Variants in SLC9A1 observed in about 807,000 individuals in gnomAD.
The protein encoded by SLC9A1 is solute carrier family 9 member A1, also known as sodium/hydrogen exchanger 1.
SLC9A1 carries 22 observed loss-of-function variants against 67.9 expected under a neutral mutation model. The ratio of observed to expected loss-of-function variants is 0.32; its 90% CI spans 0.23 to 0.46. The LOEUF (loss-of-function observed/expected upper bound fraction) is 0.46, where lower values mean the gene tolerates loss of function less well. Among genes scored for constraint, SLC9A1 ranks in the 20% least tolerant of loss-of-function variants. The pLI, the probability that SLC9A1 is intolerant of heterozygous loss-of-function variation, is 1.00. For synonymous variants in SLC9A1, 421 were observed against 471.8 expected, an observed-to-expected ratio of 0.89 and a Z score of 1.40; for missense variants, 686 against 1,094.8, an observed-to-expected ratio of 0.63 and a Z score of 5.27.
rs143643968 is a variant in SLC9A1 at position 27,143,223 on chromosome 1, C to G, written c.352+10760G>C. Among the ~76,000 whole-genome samples the G allele has an allele frequency of 3.8e-3, 580 of 152,178 alleles. 6 individuals carry two copies. Among genetic ancestry groups the G allele is most frequent in the African/African-American group, 0.013 (544 of 41,490 alleles). On this transcript the variant is annotated intron_variant, in intron 1 of 11. Coordinates refer to ENST00000263980, the MANE Select transcript of SLC9A1 (RefSeq NM_003047.5). ...CAACAGATCATCCAGTCCATCCTCT[C>G]ACCTACACCAGAATCCCTTAGCAAC...
At chr1:27,120,442 A>T (rs968135439) in intron 1 of SLC9A1, among the ~76,000 whole-genome samples, 3 of 151,694 alleles carry the variant, frequency 2.0e-5, no homozygotes, top group Admixed American at 1.3e-4. Flanking sequence ...TACTTTTTTT[A>T]AAATGTAGCA....
intron 4 of SLC9A1, among the ~76,000 whole-genome samples, chr1:27,107,218 T>TA (rs1160182438): frequency 3.3e-4 from 1 of 3,000 alleles, no homozygotes; most frequent in Non-Finnish European, 7.1e-4. Flanking sequence ...ACCCAGCCCC[T>TA]CTACACACAC....
At chr1:27,117,604 A>C (rs1264960423) in intron 1 of SLC9A1, among the ~76,000 whole-genome samples, 1 of 152,176 alleles carries the variant, frequency 6.6e-6, no homozygotes, top group African/African-American at 2.4e-5. Flanking sequence ...CAAGAACAGC[A>C]ACATGAAGAC....
Position 27,114,356 on chromosome 1 carries a change from G to T in SLC9A1, c.353-70C>A. Reference sequence around the variant, plus strand: ...CCAGGAGAATAGAAGGTTGGGGATGGGCCGGGGATGAGGAGCGCAGTTGGT... The same window carrying T: ...CCAGGAGAATAGAAGGTTGGGGATGTGCCGGGGATGAGGAGCGCAGTTGGT... On this transcript the variant is annotated intron_variant, in intron 1 of 11. Transcript: ENST00000263980. The surrounding 1 kb of genome is among the most constrained non-coding windows in gnomAD (Gnocchi z 5.4). 1.5e-6 allele frequency: 2 copies of T among 1,320,868 alleles called. No individual in the cohort carries two copies. The highest frequency in any genetic ancestry group is 1.4e-5 in the South Asian group (1 of 74,050). The allele number at this position is 1,320,868 out of a possible 1,614,324, so 81.8% of individuals were successfully genotyped here.
intron 5 of SLC9A1, chr1:27,103,634 A>G: frequency 2.7e-6 from 1 of 365,478 alleles, no homozygotes; most frequent in Non-Finnish European, 5.2e-6. Context: ...AACCCCATGG[A>G]AGTCAGGCCC....
At chr1:27,131,935 G>GGAGAAAA (rs2083387242) in intron 1 of SLC9A1, among the ~76,000 whole-genome samples, 1 of 3,000 alleles carries the variant, frequency 3.3e-4, no homozygotes, top group Admixed American at 4.2e-3. Flanking sequence ...AGAAGAAGAA[G>GGAGAAAA]AAGAAAAAAA....
At chr1:27,110,600 G>A (rs1349893011) in intron 2 of SLC9A1, among the ~76,000 whole-genome samples, 1 of 152,180 alleles carries the variant, frequency 6.6e-6, no homozygotes, top group Admixed American at 6.5e-5. Flanking sequence ...TATCTGAGTC[G>A]ACACTCAACA....
At chr1:27,152,822 G>A (rs112362088) in intron 1 of SLC9A1, among the ~76,000 whole-genome samples, 1 of 152,132 alleles carries the variant, frequency 6.6e-6, no homozygotes, top group African/African-American at 2.4e-5. Flanking sequence ...CGGCAGCACC[G>A]CTCAGCTCCT....
Position 27,102,041 on chromosome 1 carries a change from T to C in SLC9A1, c.1910A>G (p.Asn637Ser), listed in dbSNP as rs778647748. 3 of 1,613,778 alleles carry C rather than the reference T, an allele frequency of 1.9e-6. No homozygotes were observed. Among genetic ancestry groups the C allele is most frequent in the Non-Finnish European group, 2.5e-6 (3 of 1,179,772 alleles). ...CCGCTGCCTGGTCTTCTGCAAGTTG[T>C]TCCTCAGGATTTTGCGGATCTCCTC... Reference protein sequence around the residue: ...KEEEIRKILRNNLQKTRQRLR... With the variant: ...KEEEIRKILRSNLQKTRQRLR... The change falls in exon 9 of 12, where the codon AAC becomes AGC. Residue 637 changes from asparagine to serine, a missense_variant. Coordinates refer to ENST00000263980, the MANE Select transcript of SLC9A1 (RefSeq NM_003047.5).
At position 27,101,745 on chromosome 1, in the gene SLC9A1, C is replaced by A. The variant is rs1334183242; in HGVS notation, c.2017G>T (p.Ala673Ser). 6.2e-7 allele frequency: 1 copy of A among 1,612,458 alleles called. No individual in the cohort carries two copies. The highest frequency in any genetic ancestry group is 8.5e-7 in the Non-Finnish European group (1 of 1,179,302). Residue 673 changes from alanine to serine, a missense_variant, in exon 10 of 12, where the codon GCC becomes TCC. Ala to Ser is a moderately conservative substitution (Grantham distance 99). This residue lies in a region of SLC9A1 where 226 missense variants were observed against 282.4 expected (regional missense o/e 0.80). Transcript: ENST00000263980. The surrounding 1 kb of genome is among the most constrained non-coding windows in gnomAD (Gnocchi z 4.9). Reference sequence around the variant, plus strand: ...GCTACCTTCTGCTCCAGCTGCCGGGCCTTCTGCCTCCGGAGCAGCATCTGG... The same window carrying A: ...GCTACCTTCTGCTCCAGCTGCCGGGACTTCTGCCTCCGGAGCAGCATCTGG... ...WNQMLLRRQK[A>S]RQLEQKINNY...
intron 1 of SLC9A1, among the ~76,000 whole-genome samples, chr1:27,148,924 CTGCCCAAGCAGGG>C (rs1371580178): frequency 2.0e-5 from 3 of 152,194 alleles, no homozygotes; most frequent in African/African-American, 7.2e-5. Flanking sequence ...TGGCACTTCC[CTGCCCAAGCAGGG>C]AAGAAGCAAG....
At chr1:27,120,812 T>C (rs992553019) in intron 1 of SLC9A1, among the ~76,000 whole-genome samples, 2 of 152,124 alleles carry the variant, frequency 1.3e-5, no homozygotes, top group Admixed American at 6.5e-5. Context: ...CAAGGCTCTG[T>C]GCAGGGGGCT....
In SLC9A1 at chr1:27,155,036, G is replaced by GCGGCGCGGCGCTC. The variant is rs2083557329; in HGVS notation, c.-703_-702insGAGCGCCGCGCCG. ...ACACGCCCCTCCTCGCGGCCCTGGC[G>GCGGCGCGGCGCTC]CGACGCGGCGCTCCGCCCCGGCCCA... is the stretch of plus-strand genomic sequence containing the variant. On this transcript the variant is annotated 5_prime_UTR_variant, in exon 1 of 12. Transcript: ENST00000263980. The surrounding 1 kb of genome is among the most constrained non-coding windows in gnomAD (Gnocchi z 4.5). 1 of 152,428 alleles carries GCGGCGCGGCGCTC rather than the reference G, an allele frequency of 6.6e-6. No individual in the cohort carries two copies. Among genetic ancestry groups the GCGGCGCGGCGCTC allele is most frequent in the African/African-American group, 2.4e-5 (1 of 41,420 alleles). The allele number at this position is 152,428 out of a possible 1,614,324, so 9.4% of individuals were successfully genotyped here. A position where few individuals can be genotyped will look rare whatever the true frequency, so the allele number is the denominator to read the frequency against.
Position 27,118,250 on chromosome 1 carries a change from C to T in SLC9A1, c.353-3964G>A, listed in dbSNP as rs1268458441. 6.6e-6 allele frequency among the ~76,000 whole-genome samples: 1 copy of T among 152,128 alleles called. No homozygotes were observed. The highest frequency in any genetic ancestry group is 1.5e-5 in the Non-Finnish European group (1 of 68,016). On this transcript the variant is annotated intron_variant, in intron 1 of 11. Transcript: ENST00000263980. This position sits in a 1 kb window ranked among gnomAD's most constrained non-coding sequence, Gnocchi z 4.3. ...GGCTCTCTGGGCCTGAGGGGAGGGC[C>T]GGGCCGGGCCAGGCTGAGGAGAAAG...
rs750030133 is a variant in SLC9A1 at position 27,114,138 on chromosome 1, C to T, written c.501G>A (p.Pro167=). 14 of 1,614,128 alleles carry T rather than the reference C, an allele frequency of 8.7e-6. No homozygotes were observed. Among genetic ancestry groups the T allele is most frequent in the Non-Finnish European group, 1.1e-5 (13 of 1,180,022 alleles). ...AGTAGCCCGCATCCAGGATGATGGG[C>T]GGCAGCAGGAAGAGGAAGAAGACGT... ...QSDVFFLFLL[P]PIILDAGYFL... is the part of the protein sequence containing the mutation. The change falls in exon 2 of 12, where the codon CCG becomes CCA. Residue 167 remains proline, a synonymous_variant. Transcript: ENST00000263980. This position sits in a 1 kb window ranked among gnomAD's most constrained non-coding sequence, Gnocchi z 5.4.
rs1426546484 is a variant in SLC9A1 at position 27,107,628 on chromosome 1, G to A, written c.1282+20C>T. The A allele has an allele frequency of 9.7e-6, 6 of 618,788 alleles. No individual in the cohort carries two copies. The highest frequency in any genetic ancestry group is 1.4e-4 in the East Asian group (2 of 14,236). The allele number at this position is 618,788 out of a possible 1,614,324, so 38.3% of individuals were successfully genotyped here. The stretch of plus-strand genomic sequence containing the variant: ...CACCCCACACCACAACCCCCACCCC[G>A]CCCCAGCCCTGGCCCTCACCCAGCA... On this transcript the variant is annotated intron_variant, in intron 4 of 11. Coordinates refer to ENST00000263980, the MANE Select transcript of SLC9A1 (RefSeq NM_003047.5).
At chr1:27,126,679 C>A (rs2083346362) in intron 1 of SLC9A1, among the ~76,000 whole-genome samples, 1 of 152,186 alleles carries the variant, frequency 6.6e-6, no homozygotes, top group Admixed American at 6.5e-5. Context: ...CTGTCCTATT[C>A]ATCTTTGACT....
chr1:27,149,140 G>A (rs893604380), intron 1 of SLC9A1, among the ~76,000 whole-genome samples: 5 of 152,192 alleles, frequency 3.3e-5, no homozygotes, highest in African/African-American at 9.6e-5. Context: ...TCCCACCAAC[G>A]ACATGTGCCC....
chr1:27,103,794 T>C (rs2083164730), intron 5 of SLC9A1: 1 of 169,014 alleles, frequency 5.9e-6, no homozygotes, highest in Non-Finnish European at 1.3e-5. Flanking sequence ...AGCTCTCCAA[T>C]ATCCGCAACA....
Sources: allele counts gnomAD v4.1 joint callset (sites outside exome capture counted in the v4.1 genomes callset), GRCh38; gene constraint gnomAD v4.1.1; regional missense constraint gnomAD v4.1.1; non-coding constraint Gnocchi (gnomAD v3.1); transcripts MANE v1.5; gene names NCBI Gene and HGNC (gene_info 2026-07-23, HGNC 2026-07-21).